Variants in PRDM15 observed in about 807,000 individuals in gnomAD.
PRDM15 encodes the protein PR/SET domain 15.
A neutral mutation model predicts 128.6 loss-of-function variants in PRDM15; 64 were observed. The ratio of observed to expected loss-of-function variants is 0.50; its 90% CI spans 0.41 to 0.61. The LOEUF (loss-of-function observed/expected upper bound fraction) is 0.61. Ranked by LOEUF, PRDM15 falls within the 20% of genes least tolerant of loss-of-function variation. The probability of loss-of-function intolerance (pLI) is 0.00; values close to 1 mark genes in which losing one functional copy is unlikely to be tolerated. For missense variants in PRDM15, 1,242 were observed against 1,569.1 expected, an observed-to-expected ratio of 0.79 and a Z score of 3.52; for synonymous variants, 615 against 621.8, an observed-to-expected ratio of 0.99 and a Z score of 0.16.
In PRDM15 at chr21:41,862,872, T is replaced by C. The variant is rs1410916361; in HGVS notation, c.-9-2500A>G. On this transcript the variant is annotated intron_variant, in intron 1 of 23. Coordinates refer to ENST00000398548, the MANE Select transcript of PRDM15 (RefSeq NM_001040424.3). This position sits in a 1 kb window ranked among gnomAD's most constrained non-coding sequence, Gnocchi z 4.1. ...AGGGAAAAGGAGAGGAAAAAAGAACTAGAAGTTCGAGATCCTGGGCAGGCG... is the reference window on the plus strand; with the variant it reads ...AGGGAAAAGGAGAGGAAAAAAGAACCAGAAGTTCGAGATCCTGGGCAGGCG... 6.6e-6 allele frequency among the ~76,000 whole-genome samples: 1 copy of C among 151,990 alleles called. No individual in the cohort carries two copies. Among genetic ancestry groups the C allele is most frequent in the African/African-American group, 2.4e-5 (1 of 41,374 alleles).
intron 6 of PRDM15, among the ~76,000 whole-genome samples, chr21:41,842,869 T>G (rs917546510): frequency 8.0e-5 from 12 of 150,890 alleles, no homozygotes; most frequent in African/African-American, 2.9e-4. Context: ...ACTACAACCC[T>G]TGCTTCCCAG....
rs750733029 is a variant in PRDM15 at position 41,839,703 on chromosome 21, T to G, written c.791A>C (p.Lys264Thr). Residue 264 changes from lysine (K) to threonine (T), a missense_variant, in exon 7 of 24, where the codon AAA becomes ACA. Lys to Thr is a moderately conservative substitution (Grantham distance 78). This residue lies in a region of PRDM15 where 612 missense variants were observed against 717.0 expected (regional missense o/e 0.85). Transcript: ENST00000398548. The stretch of plus-strand genomic sequence containing the variant: ...GGGTTTTCTCCCCCTTCGAGGCTTT[T>G]TCTTCTGTTCTTTGGTGGCAACATT... ...SENVATKEQK[K>T]KPRRGRKPKV... is the part of the protein sequence containing the mutation. 1.5e-5 allele frequency: 24 copies of G among 1,614,266 alleles called. No homozygotes were observed. Among genetic ancestry groups the G allele is most frequent in the Non-Finnish European group, 3.4e-6 (4 of 1,180,054 alleles).
In PRDM15 at chr21:41,868,037, C is replaced by CA. The variant is rs35935542; in HGVS notation, c.-9-7666dup. 3.1e-3 allele frequency among the ~76,000 whole-genome samples: 404 copies of CA among 130,794 alleles called. 1 individual carries two copies. The highest frequency in any genetic ancestry group is 6.1e-3 in the African/African-American group (218 of 35,634). 85.8% of individuals were successfully genotyped at this position (130,794 alleles called of 152,430 possible). ...CACTGCAGCCTGGGCAACATTGTCT[C>CA]AAAAAAAAAAAAAAAAAGAATGTCA... On this transcript the variant is annotated intron_variant, in intron 1 of 23. Transcript: ENST00000398548.
rs540178148 is a variant in PRDM15, at chr21:41,845,451, G to A, written c.640+1639C>T. Among the ~76,000 whole-genome samples, 7 of 151,474 alleles carry A rather than the reference G, an allele frequency of 4.6e-5. No homozygotes were observed. In the South Asian group the frequency reaches 1.5e-3, roughly 32 times the overall value. On this transcript the variant is annotated intron_variant, in intron 6 of 23. Coordinates refer to ENST00000398548, the MANE Select transcript of PRDM15 (RefSeq NM_001040424.3). ...GGATGTTCCCAAGAAGCCCCCCAGC[G>A]AGAGGCTGCCGCAGAAGGCAGAGCC...
rs568015877 is a variant in PRDM15, at chr21:41,803,175, T to G, written c.2734-254A>C. 4.5e-5 allele frequency: 24 copies of G among 536,722 alleles called. No individual in the cohort carries two copies. In the East Asian group the frequency reaches 7.1e-4, roughly 16 times the overall value. 33.2% of individuals were successfully genotyped at this position (536,722 alleles called of 1,614,324 possible). A position where few individuals can be genotyped will look rare whatever the true frequency, so the allele number is the denominator to read the frequency against. On this transcript the variant is annotated intron_variant, in intron 22 of 23. Transcript: ENST00000398548. Reference sequence around the variant, plus strand: ...TTAAAAGTTGTATTTTATGCTAAAATGTAAACACTTCTTAGAAACTTAACG... The same window carrying G: ...TTAAAAGTTGTATTTTATGCTAAAAGGTAAACACTTCTTAGAAACTTAACG...
chr21:41,829,212 TCACA>T (rs1202083353), intron 11 of PRDM15, among the ~76,000 whole-genome samples: 2 of 117,456 alleles, frequency 1.7e-5, no homozygotes, highest in African/African-American at 6.4e-5. Flanking sequence ...CACATACATG[TCACA>T]CACACCATCA....
intron 6 of PRDM15, among the ~76,000 whole-genome samples, chr21:41,844,844 T>C (rs1326532200): frequency 3.2e-4 from 1 of 3,102 alleles, no homozygotes; most frequent in African/African-American, 1.6e-3. Context: ...CCCTCCCCCC[T>C]CACAGGGACA....
At position 41,826,507 on chromosome 21, in the gene PRDM15, CATT is replaced by C. The variant is rs1464006136; in HGVS notation, c.1535-456_1535-454del. ...CTAATATTCATCTCTCGCAAATTAACATTAGTCAAATCAACATCAGGCTGGTAA... is the reference window on the plus strand; with the variant it reads ...CTAATATTCATCTCTCGCAAATTAACAGTCAAATCAACATCAGGCTGGTAA... On this transcript the variant is annotated intron_variant, in intron 12 of 23. Transcript: ENST00000398548. Among the ~76,000 whole-genome samples, 10 of 152,316 alleles carry C rather than the reference CATT, an allele frequency of 6.6e-5. No individual in the cohort carries two copies. In the Middle Eastern group the frequency reaches 0.014, roughly 207 times the overall value.
At chr21:41,818,111 C>T (rs558434132) in intron 18 of PRDM15, among the ~76,000 whole-genome samples, 1 of 152,204 alleles carries the variant, frequency 6.6e-6, no homozygotes, top group Non-Finnish European at 1.5e-5. Context: ...AGGACCCCTC[C>T]AGCCAGGCTC....
intron 6 of PRDM15, among the ~76,000 whole-genome samples, chr21:41,840,442 CAA>C (rs35052917): frequency 0.037 from 3,404 of 91,174 alleles, 83 homozygotes; most frequent in African/African-American, 0.11. Context: ...AAGACTGTCT[CAA>C]AAAAAAAAAA....
At chr21:41,836,283 G>GC in intron 9 of PRDM15, 76 bp from the exon 10 acceptor site, 1 of 1,404,082 alleles carries the variant, frequency 7.1e-7, no homozygotes, top group South Asian at 1.2e-5. Context: ...CCGGGGAAAT[G>GC]CCCCACAAGC....
rs772681939 is a variant in PRDM15 at position 41,823,299 on chromosome 21, G to T, written c.1761+19C>A. On this transcript the variant is annotated intron_variant, in intron 14 of 23. Transcript: ENST00000398548. ...CCTGCCGTGAGCATGCCTGGGTGAG[G>T]GCAGCACGCGATCGACACCTTGAAG... is the stretch of plus-strand genomic sequence containing the variant. 5 of 1,606,178 alleles carry T rather than the reference G, an allele frequency of 3.1e-6. No homozygotes were observed. Among genetic ancestry groups the T allele is most frequent in the South Asian group, 1.1e-5 (1 of 89,276 alleles).
rs756335009 is a variant in PRDM15, at chr21:41,839,779, T to C, written c.715A>G (p.Lys239Glu). 4 of 1,614,142 alleles carry C rather than the reference T, an allele frequency of 2.5e-6. No individual in the cohort carries two copies. The highest frequency in any genetic ancestry group is 3.4e-6 in the Non-Finnish European group (4 of 1,180,052). Residue 239 changes from lysine (K) to glutamate (E), a missense_variant, in exon 7 of 24, where the codon AAG becomes GAG. Lys to Glu is a moderately conservative substitution (Grantham distance 56). Coordinates refer to ENST00000398548, the MANE Select transcript of PRDM15 (RefSeq NM_001040424.3). ...GSQSEAAAPE[K>E]EQDTPRGEPP... is the part of the protein sequence containing the mutation. Reference sequence around the variant, plus strand: ...TCCCCCCGGGGTGTGTCCTGCTCCTTCTCGGGAGCTGCTGCCTCGCTTTGG... The same window carrying C: ...TCCCCCCGGGGTGTGTCCTGCTCCTCCTCGGGAGCTGCTGCCTCGCTTTGG...
intron 9 of PRDM15, 82 bp from the exon 10 acceptor site, chr21:41,836,289 C>T: frequency 7.2e-7 from 1 of 1,384,278 alleles, no homozygotes; most frequent in Non-Finnish European, 1.0e-6. Context: ...AAATGCCCCA[C>T]AAGCCGCCTC....
chr21:41,812,889 G>A (rs2061910116), intron 19 of PRDM15: 2 of 152,292 alleles, frequency 1.3e-5, no homozygotes, highest in African/African-American at 2.4e-5. Flanking sequence ...GGCTGTCAGC[G>A]CCCCACCAGG....
Position 41,810,654 on chromosome 21 carries a change from T to C in PRDM15, c.2476+99A>G. On this transcript the variant is annotated intron_variant, in intron 20 of 23. Transcript: ENST00000398548. This position sits in a 1 kb window ranked among gnomAD's most constrained non-coding sequence, Gnocchi z 6.4. ...CAACACTAAATGTGCTGGAACCGTC[T>C]AGATAATAGAATAGTCGTTTCCACC... 1 of 973,760 alleles carries C rather than the reference T, an allele frequency of 1.0e-6. No homozygotes were observed. Among genetic ancestry groups the C allele is most frequent in the Non-Finnish European group, 1.6e-6 (1 of 611,154 alleles). The allele number at this position is 973,760 out of a possible 1,614,324, so 60.3% of individuals were successfully genotyped here. A position where few individuals can be genotyped will look rare whatever the true frequency, so the allele number is the denominator to read the frequency against.
In PRDM15 at chr21:41,835,441, C is replaced by G; in HGVS notation, c.1362G>C (p.Arg454Ser). ...AGACGTGACCGGCGCCCTCACCTGT[C>G]CTGCAGTTGTGGAACTCCAGCGCGC... is the stretch of plus-strand genomic sequence containing the variant. ...IESALEFHNC[R>S]TDDKTFQCEM... The change falls in exon 11 of 24, where the codon AGG (arginine) becomes AGC (serine). Residue 454 changes from arginine (R) to serine (S), a missense_variant. Transcript: ENST00000398548. The G allele has an allele frequency of 6.2e-7, 1 of 1,608,128 alleles. No individual in the cohort carries two copies. Among genetic ancestry groups the G allele is most frequent in the Non-Finnish European group, 8.5e-7 (1 of 1,179,288 alleles).
chr21:41,824,534 A>AGC (rs369327258), intron 13 of PRDM15, among the ~76,000 whole-genome samples: 67 of 152,070 alleles, frequency 4.4e-4, no homozygotes, highest in Middle Eastern at 3.4e-3. Context: ...TCAGGCACAG[A>AGC]TTGTTTGCAC....
At chr21:41,848,135 T>G (rs1449368141) in intron 5 of PRDM15, among the ~76,000 whole-genome samples, 2 of 152,010 alleles carry the variant, frequency 1.3e-5, no homozygotes, top group Non-Finnish European at 2.9e-5. Flanking sequence ...CACGGCAAAC[T>G]CCAGGGGCCA....
Sources: allele counts gnomAD v4.1 joint callset (sites outside exome capture counted in the v4.1 genomes callset), GRCh38; gene constraint gnomAD v4.1.1; regional missense constraint gnomAD v4.1.1; non-coding constraint Gnocchi (gnomAD v3.1); transcripts MANE v1.5; gene names NCBI Gene and HGNC (gene_info 2026-07-23, HGNC 2026-07-21).